Variants in HECTD4 observed in about 807,000 individuals in gnomAD.
The protein encoded by HECTD4 is probable E3 ubiquitin-protein ligase HECTD4.
A neutral mutation model predicts 471.5 loss-of-function variants in HECTD4; 114 were observed. The ratio of observed to expected loss-of-function variants is 0.24; its 90% confidence interval spans 0.21 to 0.28. HECTD4 has a LOEUF of 0.28. Among genes scored for constraint, HECTD4 ranks in the 10% least tolerant of loss-of-function variants. HECTD4 has a pLI of 1.00. For synonymous variants in HECTD4, 2,012 were observed against 2,256.0 expected, an observed-to-expected ratio of 0.89 and a Z score of 3.07; for missense variants, 3,866 against 5,651.5, an observed-to-expected ratio of 0.68 and a Z score of 10.13.
At chr12:112,288,318 CAA>C (rs34194692) in intron 7 of HECTD4, among the ~76,000 whole-genome samples, 26 of 75,042 alleles carry the variant, frequency 3.5e-4, no homozygotes, top group Admixed American at 6.7e-4. Flanking sequence ...GACTCTGTCT[CAA>C]AAAAAAAAAA....
intron 13 of HECTD4, among the ~76,000 whole-genome samples, chr12:112,269,169 G>A (rs532054409): frequency 1.1e-4 from 16 of 152,116 alleles, no homozygotes; most frequent in African/African-American, 2.4e-4. Context: ...CACCGCGCCC[G>A]GCCCTGAAAA....
chr12:112,230,331 C>T (rs1175501084), intron 40 of HECTD4, among the ~76,000 whole-genome samples: 2 of 152,142 alleles, frequency 1.3e-5, no homozygotes, highest in African/African-American at 4.8e-5. Flanking sequence ...GTGTAAATCA[C>T]GCAGAGGCCT....
chr12:112,237,168 C>A (rs745464778), intron 34 of HECTD4, 70 bp from the exon 35 acceptor site: 155 of 1,383,192 alleles, frequency 1.1e-4, no homozygotes, highest in Non-Finnish European at 1.4e-4. Flanking sequence ...CCTGAGGGGG[C>A]GGCGAGCCCT....
intron 44 of HECTD4, among the ~76,000 whole-genome samples, chr12:112,225,631 A>G (rs1027537951): frequency 2.6e-5 from 4 of 152,048 alleles, no homozygotes; most frequent in African/African-American, 9.7e-5. Context: ...AAAAAAAAAA[A>G]AAAAAAGACT....
At chr12:112,256,616 A>C in intron 20 of HECTD4, 98 bp from the exon 21 acceptor site, 1 of 717,944 alleles carries the variant, frequency 1.4e-6, no homozygotes, top group Non-Finnish European at 2.1e-6. Context: ...AGCATGCAGT[A>C]TGATAACACT....
intron 9 of HECTD4, among the ~76,000 whole-genome samples, chr12:112,278,891 T>TA (rs1280528336): frequency 2.0e-5 from 3 of 151,204 alleles, no homozygotes; most frequent in South Asian, 2.1e-4. Context: ...AGACTCCGTC[T>TA]AAAAAAAAAG....
rs4544063 is a variant in HECTD4, at chr12:112,302,915, C to G, written c.1335+3149G>C. On this transcript the variant is annotated intron_variant, in intron 7 of 75. Transcript: ENST00000682272. ...TATTTTTTTAACCCATTTGCCTCCC[C>G]TCCATACACATACCTCTCCAAAGTT... is the stretch of plus-strand genomic sequence containing the variant. Among the ~76,000 whole-genome samples the G allele has an allele frequency of 6.2e-3, 949 of 151,874 alleles. 11 individuals carry two copies. The highest frequency in any genetic ancestry group is 0.021 in the African/African-American group (884 of 41,434).
chr12:112,212,745 T>A, intron 48 of HECTD4, 95 bp from the exon 49 acceptor site: 1 of 899,248 alleles, frequency 1.1e-6, no homozygotes, highest in Non-Finnish European at 1.6e-6. Flanking sequence ...CATCACAGAC[T>A]ATTTATGCTC....
chr12:112,342,066 T>C (rs1216957138), intron 1 of HECTD4, among the ~76,000 whole-genome samples: 3 of 152,238 alleles, frequency 2.0e-5, no homozygotes, highest in African/African-American at 7.2e-5. Flanking sequence ...AAATGATTTA[T>C]TGTTGAAGGC....
chr12:112,291,515 C>T (rs2034884795), intron 7 of HECTD4, among the ~76,000 whole-genome samples: 1 of 151,760 alleles, frequency 6.6e-6, no homozygotes, highest in Admixed American at 6.6e-5. Context: ...GTGGGAGGGT[C>T]ACTTGAGCCC....
At chr12:112,305,711 T>C (rs1341166659) in intron 7 of HECTD4, among the ~76,000 whole-genome samples, 1 of 152,162 alleles carries the variant, frequency 6.6e-6, no homozygotes, top group Non-Finnish European at 1.5e-5. Flanking sequence ...ACAATGTTGT[T>C]ATCTCTCTCA....
At chr12:112,268,949 A>G (rs1319777251) in intron 13 of HECTD4, among the ~76,000 whole-genome samples, 81 of 120,730 alleles carry the variant, frequency 6.7e-4, no homozygotes, top group Non-Finnish European at 8.9e-4. Context: ...ATCTCGACTC[A>G]CTGCAAGCTC....
At position 112,264,073 on chromosome 12, in the gene HECTD4, TTGG is replaced by T. The variant is rs1268814060; in HGVS notation, c.2748+8_2748+10del. On this transcript the variant is annotated splice_region_variant and intron_variant, in intron 17 of 75. Coordinates refer to ENST00000682272, the MANE Select transcript of HECTD4 (RefSeq NM_001388303.1). The stretch of plus-strand genomic sequence containing the variant: ...GTAGAACGCATCGTTAAAATAAAGC[TTGG>T]TGTTTACCTGTACCTTCAATGTCTC... 6.2e-7 allele frequency: 1 copy of T among 1,606,192 alleles called. No individual in the cohort carries two copies. The highest frequency in any genetic ancestry group is 8.5e-7 in the Non-Finnish European group (1 of 1,176,362).
chr12:112,242,528 G>A (rs1159962798), intron 32 of HECTD4, among the ~76,000 whole-genome samples: 3 of 150,940 alleles, frequency 2.0e-5, no homozygotes, highest in Admixed American at 6.6e-5. Flanking sequence ...TGGGAAGATC[G>A]CTTGAGCCTG....
Position 112,323,205 on chromosome 12 carries a change from C to G in HECTD4, c.178-3463G>C, listed in dbSNP as rs930423587. On this transcript the variant is annotated intron_variant, in intron 1 of 75. Transcript: ENST00000682272. ...CCAGCCTAGTAGTGAGACCTTGTCT[C>G]TAAAAATAAATAAATAAAATAAAAT... is the stretch of plus-strand genomic sequence containing the variant. 1.1e-4 allele frequency: 16 copies of G among 152,352 alleles called. 1 individual carries two copies. Among genetic ancestry groups the G allele is most frequent in the African/African-American group, 3.4e-4 (14 of 41,286 alleles). 9.4% of individuals were successfully genotyped at this position (152,352 alleles called of 1,614,324 possible). A position where few individuals can be genotyped will look rare whatever the true frequency, so the allele number is the denominator to read the frequency against.
In HECTD4 at chr12:112,269,749, T is replaced by C; in HGVS notation, c.2276A>G (p.Asp759Gly). ...LLWQLLMAPKDQICPEIQKEV... is the reference protein window; with the variant it reads ...LLWQLLMAPKGQICPEIQKEV... ...CTTCTGAATTTCAGGGCAAATTTGA[T>C]CTTTTGGAGCCATCAACAACTGCCA... Residue 759 changes from aspartate to glycine, a missense_variant, in exon 13 of 76, where the codon GAT (aspartate) becomes GGT (glycine). Coordinates refer to ENST00000682272, the MANE Select transcript of HECTD4 (RefSeq NM_001388303.1). 1.2e-6 allele frequency: 2 copies of C among 1,613,986 alleles called. No individual in the cohort carries two copies. The highest frequency in any genetic ancestry group is 1.7e-6 in the Non-Finnish European group (2 of 1,179,880).
At chr12:112,221,977 G>A (rs906384406) in intron 44 of HECTD4, among the ~76,000 whole-genome samples, 5 of 151,136 alleles carry the variant, frequency 3.3e-5, no homozygotes, top group Non-Finnish European at 5.9e-5. Flanking sequence ...AGGCTGGAGT[G>A]CAGTGGTGTG....
rs995068154 is a variant in HECTD4, at chr12:112,250,324, C to A, written c.3770G>T (p.Ser1257Ile). 5 of 1,613,844 alleles carry A rather than the reference C, an allele frequency of 3.1e-6. No homozygotes were observed. Among genetic ancestry groups the A allele is most frequent in the Non-Finnish European group, 4.2e-6 (5 of 1,179,868 alleles). ...TATGGTCAGAGGCAGTGGAGAGGGG[C>A]TCGGAGTAAGGGCAGGGGAGATCAC... ...NGVISPALTP[S>I]PSPLPLTIEE... The change falls in exon 25 of 76, where the codon AGC becomes ATC. Residue 1257 changes from serine to isoleucine, a missense_variant. By Grantham distance (142) the Ser-to-Ile change is moderately radical. Coordinates refer to ENST00000682272, the MANE Select transcript of HECTD4 (RefSeq NM_001388303.1).
At chr12:112,350,323 A>C (rs2036228336) in intron 1 of HECTD4, among the ~76,000 whole-genome samples, 1 of 152,194 alleles carries the variant, frequency 6.6e-6, no homozygotes, top group Non-Finnish European at 1.5e-5. Flanking sequence ...CATTCTCATG[A>C]TATGCTAAAA....
Sources: allele counts gnomAD v4.1 joint callset (sites outside exome capture counted in the v4.1 genomes callset), GRCh38; gene constraint gnomAD v4.1.1; transcripts MANE v1.5; gene names NCBI Gene and HGNC (gene_info 2026-07-23, HGNC 2026-07-21).